Variants in FAM234A observed in about 807,000 individuals in gnomAD.
The protein encoded by FAM234A is protein FAM234A.
A neutral mutation model predicts 49.1 loss-of-function variants in FAM234A; 42 were observed. That is an observed-to-expected ratio of 0.86 (90% CI 0.67 to 1.11). FAM234A has a LOEUF of 1.11. Among genes scored for constraint, FAM234A ranks in the 50% least tolerant of loss-of-function variants. FAM234A has a pLI of 0.00. For synonymous variants in FAM234A, 369 were observed against 316.2 expected (o/e 1.17, Z -1.77); for missense variants, 815 against 745.2 (o/e 1.09, Z -1.09).
chr16:239,257 A>AC (rs1418307550), intron 1 of FAM234A, among the ~76,000 whole-genome samples: 1 of 131,594 alleles, frequency 7.6e-6, no homozygotes, highest in Non-Finnish European at 1.6e-5. Context: ...CTGAGATTGC[A>AC]CCACTACATT....
chr16:268,627 A>T (rs985975417), downstream of FAM234A: 5 of 699,514 alleles, frequency 7.1e-6, no homozygotes, highest in Non-Finnish European at 9.6e-6. Flanking sequence ...ATCGGGGGGG[A>T]GGCCGCGGCC....
Position 262,438 on chromosome 16 carries a change from G to T in FAM234A, c.856G>T (p.Gly286Cys). 3 of 1,606,118 alleles carry T rather than the reference G, an allele frequency of 1.9e-6. No individual in the cohort carries two copies. The highest frequency in any genetic ancestry group is 1.1e-5 in the South Asian group (1 of 90,242). Residue 286 changes from glycine to cysteine, a missense_variant, in exon 8 of 13, where the codon GGC (glycine) becomes TGC (cysteine). Physicochemically the swap from Gly to Cys is radical, Grantham distance 159. Coordinates refer to ENST00000399932, the MANE Select transcript of FAM234A (RefSeq NM_032039.4). ...ILFPCASSLC[G>C]CSVKGLYEKV... is the part of the protein sequence containing the mutation. ...GTTTTGAATAGCAAGCTCCCTCTGC[G>T]GCTGCTCTGTGAAGGGTCTCTACGA...
intron 1 of FAM234A, among the ~76,000 whole-genome samples, chr16:244,171 T>C (rs1284682197): frequency 2.0e-5 from 3 of 152,072 alleles, no homozygotes; most frequent in East Asian, 1.9e-4. Context: ...GGTTTCACCG[T>C]GTTAGCTAGG....
At chr16:235,484 G>A (rs1222788090) in intron 1 of FAM234A, among the ~76,000 whole-genome samples, 3 of 152,196 alleles carry the variant, frequency 2.0e-5, no homozygotes, top group Non-Finnish European at 4.4e-5. Flanking sequence ...TCTCCCCTAC[G>A]TTCGTTGGCC....
intron 1 of FAM234A, among the ~76,000 whole-genome samples, chr16:241,728 T>C (rs1217599898): frequency 6.6e-6 from 1 of 151,654 alleles, no homozygotes; most frequent in Non-Finnish European, 1.5e-5. Flanking sequence ...CCATCCTGGC[T>C]AACACAGTGA....
In FAM234A at chr16:259,956, T is replaced by A. The variant is rs2051391536; in HGVS notation, c.386-13T>A. 1 of 1,609,368 alleles carries A rather than the reference T, an allele frequency of 6.2e-7. No homozygotes were observed. Among genetic ancestry groups the A allele is most frequent in the Admixed American group, 1.7e-5 (1 of 59,960 alleles). Reference sequence around the variant, plus strand: ...ATGGTGCAACAGTGAGGTGCCGGTGTCTCTCCCTACAGGCTTTTCCTCTCC... The same window carrying A: ...ATGGTGCAACAGTGAGGTGCCGGTGACTCTCCCTACAGGCTTTTCCTCTCC... On this transcript the variant is annotated splice_polypyrimidine_tract_variant and intron_variant, in intron 4 of 12. Transcript: ENST00000399932.
chr16:239,632 A>T (rs1483224127), intron 1 of FAM234A, among the ~76,000 whole-genome samples: 1 of 151,104 alleles, frequency 6.6e-6, no homozygotes, highest in Non-Finnish European at 1.5e-5. Context: ...AAAAAAAAAA[A>T]TTAACACTAA....
rs1567221782 is a variant in FAM234A, at chr16:259,493, CTTT to C, written c.280_282del (p.Phe94del). The C allele has an allele frequency of 6.3e-7, 1 of 1,598,026 alleles. No homozygotes were observed. Among genetic ancestry groups the C allele is most frequent in the Non-Finnish European group, 8.6e-7 (1 of 1,165,694 alleles). ...GGTTTTCTCTTTCAGTTATCTATGACTTTCTGGCTGTGGATGATATAAACGGGG... is the reference window on the plus strand; with the variant it reads ...GGTTTTCTCTTTCAGTTATCTATGACCTGGCTGTGGATGATATAAACGGGG... On this transcript the variant is annotated inframe_deletion, in exon 4 of 13. Coordinates refer to ENST00000399932, the MANE Select transcript of FAM234A (RefSeq NM_032039.4).
chr16:242,383 T>A (rs1298151134), intron 1 of FAM234A, among the ~76,000 whole-genome samples: 1 of 152,012 alleles, frequency 6.6e-6, no homozygotes, highest in East Asian at 1.9e-4. Flanking sequence ...CCCACCTAAT[T>A]TTGTATTTTT....
intron 4 of FAM234A, 61 bp downstream of exon 4, chr16:259,660 G>A: frequency 5.6e-6 from 6 of 1,069,266 alleles, no homozygotes; most frequent in Non-Finnish European, 8.7e-6. Context: ...CGTCATTTTG[G>A]GTCACCCTCT....
At position 254,665 on chromosome 16, in the gene FAM234A, A is replaced by G. The variant is rs766784600; in HGVS notation, c.252A>G (p.Ile84Met). Residue 84 changes from isoleucine (I) to methionine (M), a missense_variant, in exon 3 of 13, where the codon ATA (isoleucine) becomes ATG (methionine). Coordinates refer to ENST00000399932, the MANE Select transcript of FAM234A (RefSeq NM_032039.4). ...DRPASQRMWR[I>M]DYSAAVIYDF... ...CGGCGTCACAGCGAATGTGGAGGAT[A>G]GACTACAGTGCCGCTGGTGAGCCTC... 6.2e-7 allele frequency: 1 copy of G among 1,613,832 alleles called. No homozygotes were observed. Among genetic ancestry groups the G allele is most frequent in the South Asian group, 1.1e-5 (1 of 91,074 alleles).
At chr16:238,186 T>C (rs1200191217) in intron 1 of FAM234A, among the ~76,000 whole-genome samples, 2 of 152,086 alleles carry the variant, frequency 1.3e-5, no homozygotes, top group Non-Finnish European at 2.9e-5. Flanking sequence ...GCCGGGCTAA[T>C]TTTTGTGTTT....
At chr16:248,619 T>A (rs1166239132) in intron 1 of FAM234A, among the ~76,000 whole-genome samples, 2 of 151,906 alleles carry the variant, frequency 1.3e-5, no homozygotes, top group East Asian at 3.8e-4. Context: ...TTATAGTTTT[T>A]AAGTTTTGTG....
chr16:237,303 A>C (rs1247117260), intron 1 of FAM234A, among the ~76,000 whole-genome samples: 2 of 152,094 alleles, frequency 1.3e-5, no homozygotes, highest in African/African-American at 4.8e-5. Context: ...TAAAGTGACG[A>C]ATATTTATTA....
Position 264,126 on chromosome 16 carries a change from C to T in FAM234A, c.1299C>T (p.Ala433=), listed in dbSNP as rs71378508. Residue 433 remains alanine (A), a synonymous_variant, in exon 11 of 13, where the codon GCC becomes GCT. Coordinates refer to ENST00000399932, the MANE Select transcript of FAM234A (RefSeq NM_032039.4). Reference sequence around the variant, plus strand: ...TGCCGACCGCAGACCACCGCTCAGCCTTCTTCTTCTGGGGCCTCCACGAGC... The same window carrying T: ...TGCCGACCGCAGACCACCGCTCAGCTTTCTTCTTCTGGGGCCTCCACGAGC... ...ASLPTADHRS[A]FFFWGLHELG... 2 of 1,609,894 alleles carry T rather than the reference C, an allele frequency of 1.2e-6. No homozygotes were observed. Among genetic ancestry groups the T allele is most frequent in the Non-Finnish European group, 1.7e-6 (2 of 1,179,700 alleles).
chr16:247,970 G>A (rs538062620), intron 1 of FAM234A, among the ~76,000 whole-genome samples: 3 of 152,124 alleles, frequency 2.0e-5, no homozygotes, highest in Non-Finnish European at 2.9e-5. Flanking sequence ...CCCTCTCAGA[G>A]TGGAGCCCAG....
intron 1 of FAM234A, among the ~76,000 whole-genome samples, chr16:241,905 CAAAAAAA>C (rs370983209): frequency 2.5e-5 from 2 of 79,076 alleles, no homozygotes; most frequent in Non-Finnish European, 5.7e-5. Context: ...GACAACGTCT[CAAAAAAA>C]AAAAAAAAAA....
rs1365707326 is a variant in FAM234A, at chr16:260,005, C to T, written c.422C>T (p.Ser141Leu). 9 of 1,613,442 alleles carry T rather than the reference C, an allele frequency of 5.6e-6. No homozygotes were observed. The highest frequency in any genetic ancestry group is 1.7e-4 in the Middle Eastern group (1 of 5,884). The change falls in exon 5 of 13, where the codon TCG becomes TTG. Residue 141 changes from serine (S) to leucine (L), a missense_variant. Coordinates refer to ENST00000399932, the MANE Select transcript of FAM234A (RefSeq NM_032039.4). ...SSPCTFAAAVSGANGSTLWER... is the reference protein window; with the variant it reads ...SSPCTFAAAVLGANGSTLWER... ...CCCTGCACCTTTGCAGCTGCTGTGT[C>T]GGGGGCCAACGGCAGCACGCTCTGG...
chr16:264,191 A>G lies in FAM234A; in HGVS notation c.1344+20A>G. 1 of 1,581,814 alleles carries G rather than the reference A, an allele frequency of 6.3e-7. No homozygotes were observed. The highest frequency in any genetic ancestry group is 8.5e-7 in the Non-Finnish European group (1 of 1,169,896). ...GAGACGGTACGGGAGCCACCCTCGG[A>G]GCAGCCATGCTGGGAGCCGGGGCCA... is the stretch of plus-strand genomic sequence containing the variant. On this transcript the variant is annotated intron_variant, in intron 11 of 12. Coordinates refer to ENST00000399932, the MANE Select transcript of FAM234A (RefSeq NM_032039.4).
Sources: allele counts gnomAD v4.1 joint callset (sites outside exome capture counted in the v4.1 genomes callset), GRCh38; gene constraint gnomAD v4.1.1; transcripts MANE v1.5; gene names NCBI Gene and HGNC (gene_info 2026-07-23, HGNC 2026-07-21).